The following CDKN1A variants were observed in gnomAD, a reference collection of about 807,000 sequenced individuals.
The protein encoded by CDKN1A is cyclin-dependent kinase inhibitor 1.
A neutral mutation model predicts 14.8 loss-of-function variants in CDKN1A; 14 were observed. That is an observed-to-expected ratio of 0.94 (90% CI 0.62 to 1.48). CDKN1A has a LOEUF of 1.48. Among genes scored for constraint, CDKN1A ranks in the 40% most tolerant of loss-of-function variants. The pLI is 0.00. For missense variants in CDKN1A, 203 were observed against 231.7 expected, an observed-to-expected ratio of 0.88 and a Z score of 0.80; for synonymous variants, 92 against 93.5, an observed-to-expected ratio of 0.98 and a Z score of 0.09.
upstream of CDKN1A, chr6:36,677,749 C>T (rs1761740592): frequency 4.9e-6 from 3 of 613,074 alleles, no homozygotes; most frequent in African/African-American, 3.7e-5. Flanking sequence ...GTCCTGTGTT[C>T]CAACTATAGT....
At chr6:36,682,229 C>G (rs1762042600) in intron 1 of CDKN1A, among the ~76,000 whole-genome samples, 1 of 152,184 alleles carries the variant, frequency 6.6e-6, no homozygotes, top group Admixed American at 6.5e-5. Flanking sequence ...GTTGCCTCTT[C>G]TGTAAAAAGG....
upstream of CDKN1A, chr6:36,677,608 C>G: frequency 2.6e-6 from 1 of 384,336 alleles, no homozygotes; most frequent in Non-Finnish European, 5.0e-6. Context: ...CCAGTAGACA[C>G]TTCCAGAATT....
At position 36,686,412 on chromosome 6, in the gene CDKN1A, C is replaced by T. The variant is rs1221894791; in HGVS notation, c.*612C>T. 8.3e-6 allele frequency: 2 copies of T among 241,188 alleles called. No individual in the cohort carries two copies. Among genetic ancestry groups the T allele is most frequent in the Non-Finnish European group, 1.6e-5 (2 of 122,806 alleles). The allele number at this position is 241,188 out of a possible 1,614,324, so 14.9% of individuals were successfully genotyped here. A position where few individuals can be genotyped will look rare whatever the true frequency, so the allele number is the denominator to read the frequency against. On this transcript the variant is annotated 3_prime_UTR_variant, in exon 3 of 3. Coordinates refer to ENST00000244741, the MANE Select transcript of CDKN1A (RefSeq NM_000389.5). This position sits in a 1 kb window ranked among gnomAD's most constrained non-coding sequence, Gnocchi z 4.9. ...CCTGGTACCCTCCTGGCTCTTGATA[C>T]CCCCCTCTGTCTTGTGAAGGCAGGG...
At chr6:36,679,836 G>C (rs1183468291) in intron 1 of CDKN1A, among the ~76,000 whole-genome samples, 2 of 151,958 alleles carry the variant, frequency 1.3e-5, no homozygotes, top group Non-Finnish European at 2.9e-5. Context: ...GCCTGGATGG[G>C]AGGCGGGGAG....
chr6:36,681,356 CTTTCT>C (rs1761972963), intron 1 of CDKN1A, among the ~76,000 whole-genome samples: 1 of 78,088 alleles, frequency 1.3e-5, no homozygotes, highest in Non-Finnish European at 2.6e-5. Flanking sequence ...CTTTCTTTTT[CTTTCT>C]TTTCTTTCTT....
rs903433616 is a variant in CDKN1A at position 36,687,203 on chromosome 6, G to A, written c.*1403G>A. The A allele has an allele frequency of 6.9e-5, 16 of 233,194 alleles. No individual in the cohort carries two copies. The highest frequency in any genetic ancestry group is 2.4e-4 in the African/African-American group (11 of 45,404). 14.4% of individuals were successfully genotyped at this position (233,194 alleles called of 1,614,324 possible). On this transcript the variant is annotated 3_prime_UTR_variant, in exon 3 of 3. Transcript: ENST00000244741. ...CGGCTCCCCATGTGTCCTGGTTCCCGTTTCTCCACCTAGACTGTAAACCTC... is the reference window on the plus strand; with the variant it reads ...CGGCTCCCCATGTGTCCTGGTTCCCATTTCTCCACCTAGACTGTAAACCTC...
chr6:36,679,878 G>A (rs904299917), intron 1 of CDKN1A, among the ~76,000 whole-genome samples: 46 of 152,106 alleles, frequency 3.0e-4, no homozygotes, highest in Admixed American at 9.1e-4. Flanking sequence ...GGGGGTCTGG[G>A]GGGCACGACG....
At position 36,684,300 on chromosome 6, in the gene CDKN1A, C is replaced by T. The variant is rs372390764; in HGVS notation, c.199C>T (p.Arg67Cys). 7.4e-6 allele frequency: 12 copies of T among 1,613,200 alleles called. No individual in the cohort carries two copies. The highest frequency in any genetic ancestry group is 2.2e-5 in the South Asian group (2 of 91,086). The stretch of plus-strand genomic sequence containing the variant: ...ACTGGAGGGTGACTTCGCCTGGGAG[C>T]GTGTGCGGGGCCTTGGCCTGCCCAA... ...TPLEGDFAWERVRGLGLPKLY... is the reference protein window; with the variant it reads ...TPLEGDFAWECVRGLGLPKLY... The change falls in exon 2 of 3, where the codon CGT becomes TGT. Residue 67 changes from arginine to cysteine, a missense_variant. Coordinates refer to ENST00000244741, the MANE Select transcript of CDKN1A (RefSeq NM_000389.5). This position sits in a 1 kb window ranked among gnomAD's most constrained non-coding sequence, Gnocchi z 6.0.
chr6:36,683,548 A>G (rs1044751456), intron 1 of CDKN1A, among the ~76,000 whole-genome samples: 1 of 152,166 alleles, frequency 6.6e-6, no homozygotes, highest in African/African-American at 2.4e-5. Context: ...TAGGACCACA[A>G]CCCGGGTGCT....
At chr6:36,678,538 G>C, upstream of CDKN1A, 1 of 426,354 alleles carries the variant, frequency 2.3e-6, no homozygotes, top group Non-Finnish European at 3.1e-6. The surrounding 1 kb of genome is among the most constrained non-coding windows in gnomAD (Gnocchi z 5.7). Flanking sequence ...TTCCGGGACC[G>C]GCTGGCCTGC....
intron 1 of CDKN1A, among the ~76,000 whole-genome samples, chr6:36,679,996 C>T (rs1394257374): frequency 2.0e-5 from 3 of 152,144 alleles, no homozygotes; most frequent in African/African-American, 7.2e-5. Flanking sequence ...GGCGAGTCGC[C>T]CCCTGGGGCG....
chr6:36,681,830 G>A (rs1450687748), intron 1 of CDKN1A, among the ~76,000 whole-genome samples: 2 of 151,914 alleles, frequency 1.3e-5, no homozygotes, highest in African/African-American at 4.8e-5. Flanking sequence ...TCCTGACCTC[G>A]TGCTCCGCCC....
upstream of CDKN1A, chr6:36,677,943 G>C: frequency 7.8e-7 from 1 of 1,283,866 alleles, no homozygotes; most frequent in Non-Finnish European, 1.0e-6. Context: ...GGTGAGTGTA[G>C]GGTGTAGGGA....
At chr6:36,677,466 A>G (rs957022710), upstream of CDKN1A, 7 of 194,076 alleles carry the variant, frequency 3.6e-5, no homozygotes, top group Non-Finnish European at 6.4e-5. Flanking sequence ...ATCCTCTGCA[A>G]TTTTTTAAAA....
chr6:36,684,627 C>A lies in CDKN1A; in HGVS notation c.445+81C>A. The A allele has an allele frequency of 4.3e-6, 6 of 1,381,164 alleles. No individual in the cohort carries two copies. Among genetic ancestry groups the A allele is most frequent in the Non-Finnish European group, 6.1e-6 (6 of 981,492 alleles). The allele number at this position is 1,381,164 out of a possible 1,614,324, so 85.6% of individuals were successfully genotyped here. On this transcript the variant is annotated intron_variant, in intron 2 of 2. Transcript: ENST00000244741. The surrounding 1 kb of genome is among the most constrained non-coding windows in gnomAD (Gnocchi z 6.0). ...GGTCCAAGGGCTGACCTGTCTGGTC[C>A]TGGTCCAGCATGCTCCAGGTAGAAG...
chr6:36,684,045 A>G lies in CDKN1A; in HGVS notation c.-5-52A>G, dbSNP rs752437636. ...ACACAGCAAAGCCCGGCCAGGTAAC[A>G]TAGTGTCTAATCTCCGCCGTGACCA... On this transcript the variant is annotated intron_variant, in intron 1 of 2. Transcript: ENST00000244741. This position sits in a 1 kb window ranked among gnomAD's most constrained non-coding sequence, Gnocchi z 6.0. 3.2e-6 allele frequency: 5 copies of G among 1,567,660 alleles called. No individual in the cohort carries two copies. In the Admixed American group the frequency reaches 6.9e-5, roughly 22 times the overall value.
At chr6:36,681,397 CTT>C (rs754084516) in intron 1 of CDKN1A, among the ~76,000 whole-genome samples, 978 of 96,040 alleles carry the variant, frequency 0.01, 40 homozygotes, top group African/African-American at 0.026. Context: ...TTCTTTCTTT[CTT>C]TCTTTCTTCC....
rs1316639627 is a variant in CDKN1A at position 36,686,445 on chromosome 6, G to A, written c.*645G>A. On this transcript the variant is annotated 3_prime_UTR_variant, in exon 3 of 3. Transcript: ENST00000244741. This position sits in a 1 kb window ranked among gnomAD's most constrained non-coding sequence, Gnocchi z 4.9. ...TGTCTTGTGAAGGCAGGGGGAAGGT[G>A]GGGTCCTGGAGCAGACCACCCCGCC... is the stretch of plus-strand genomic sequence containing the variant. 1 of 239,620 alleles carries A rather than the reference G, an allele frequency of 4.2e-6. No individual in the cohort carries two copies. Among genetic ancestry groups the A allele is most frequent in the Non-Finnish European group, 8.2e-6 (1 of 121,990 alleles). The allele number at this position is 239,620 out of a possible 1,614,324, so 14.8% of individuals were successfully genotyped here.
chr6:36,678,421 T>A (rs970854986), upstream of CDKN1A: 4 of 153,044 alleles, frequency 2.6e-5, no homozygotes, highest in African/African-American at 9.7e-5. This position sits in a 1 kb window ranked among gnomAD's most constrained non-coding sequence, Gnocchi z 5.7. Context: ...ATTCTCCAAG[T>A]AAAAAAAGCC....
Sources: allele counts gnomAD v4.1 joint callset (sites outside exome capture counted in the v4.1 genomes callset), GRCh38; gene constraint gnomAD v4.1.1; non-coding constraint Gnocchi (gnomAD v3.1); transcripts MANE v1.5; gene names NCBI Gene and HGNC (gene_info 2026-07-23, HGNC 2026-07-21).